Variants in SGCZ observed in about 807,000 individuals in gnomAD.
SGCZ encodes the protein sarcoglycan zeta.
SGCZ carries 40 observed loss-of-function variants against 41.3 expected under a neutral mutation model. That is an observed-to-expected ratio of 0.97 (90% CI 0.75 to 1.26). The LOEUF is 1.26. Among genes scored for constraint, SGCZ ranks in the 50% most tolerant of loss-of-function variants. SGCZ has a pLI of 0.00. For missense variants in SGCZ, 552 were observed against 369.8 expected, an observed-to-expected ratio of 1.49 and a Z score of -4.04; for synonymous variants, 206 against 137.5, an observed-to-expected ratio of 1.50 and a Z score of -3.49.
chr8:14,907,642 G>A (rs183785043), intron 1 of SGCZ, among the ~76,000 whole-genome samples: 22 of 152,190 alleles, frequency 1.4e-4, no homozygotes, highest in African/African-American at 4.8e-4. Flanking sequence ...AGAAGTTCAA[G>A]TCCAATCTGG....
chr8:14,309,098 G>C, intron 3 of SGCZ: 1 of 1,448,332 alleles, frequency 6.9e-7, no homozygotes, highest in Non-Finnish European at 9.6e-7. Flanking sequence ...TCATCAGGAG[G>C]TTGCTAACCC....
chr8:15,106,553 C>G (rs76324354), intron 1 of SGCZ, among the ~76,000 whole-genome samples: 1 of 151,192 alleles, frequency 6.6e-6, no homozygotes, highest in Non-Finnish European at 1.5e-5. Context: ...TACTTTACAT[C>G]CTTTTATTAC....
intron 1 of SGCZ, among the ~76,000 whole-genome samples, chr8:14,646,322 A>G (rs1807214445): frequency 6.6e-6 from 1 of 151,946 alleles, no homozygotes; most frequent in African/African-American, 2.4e-5. Context: ...CTGTTCATGC[A>G]TTAATTCACT....
Position 14,237,694 on chromosome 8 carries a change from T to A in SGCZ, c.337-15A>T, listed in dbSNP as rs1418632701. ...AGCGGACTATCCTGGGAAACATGTA[T>A]AAAATAAATAAATAGAAAATAGAAA... On this transcript the variant is annotated splice_polypyrimidine_tract_variant and intron_variant, in intron 3 of 7. Coordinates refer to ENST00000382080, the MANE Select transcript of SGCZ (RefSeq NM_139167.4). 5 of 1,589,392 alleles carry A rather than the reference T, an allele frequency of 3.1e-6. No homozygotes were observed. In the Admixed American group the frequency reaches 5.3e-5, roughly 17 times the overall value.
chr8:14,528,558 T>C (rs7841004), intron 2 of SGCZ, among the ~76,000 whole-genome samples: 99 of 152,206 alleles, frequency 6.5e-4, no homozygotes, highest in African/African-American at 2.2e-3. Flanking sequence ...TTCTGGGCCT[T>C]AGTTTTCTTT....
Position 14,118,153 on chromosome 8 carries a change from C to T in SGCZ, c.548-9918G>A, listed in dbSNP as rs563987045. On this transcript the variant is annotated intron_variant, in intron 5 of 7. Transcript: ENST00000382080. ...TTCTAGTTCTAGATCCTTGAGGAAT[C>T]GCCACATTGTCTTCCACAATGGTTG... Among the ~76,000 whole-genome samples the T allele has an allele frequency of 4.6e-5, 7 of 152,162 alleles. No homozygotes were observed. The East Asian group carries it at 5.9e-4, about 13-fold the overall frequency.
intron 1 of SGCZ, among the ~76,000 whole-genome samples, chr8:14,616,466 TA>T (rs890055011): frequency 6.6e-6 from 1 of 152,046 alleles, no homozygotes; most frequent in Non-Finnish European, 1.5e-5. Flanking sequence ...GTTTACACAG[TA>T]AAAAAATGTT....
intron 1 of SGCZ, among the ~76,000 whole-genome samples, chr8:15,147,512 A>G (rs549264340): frequency 6.6e-6 from 1 of 152,196 alleles, no homozygotes; most frequent in Non-Finnish European, 1.5e-5. Flanking sequence ...TCCTGACCTC[A>G]GGTGATCCAC....
intron 5 of SGCZ, among the ~76,000 whole-genome samples, chr8:14,129,732 A>C (rs903718584): frequency 4.7e-5 from 7 of 149,666 alleles, no homozygotes; most frequent in African/African-American, 7.5e-5. Flanking sequence ...AATTCCATTG[A>C]CAATAACATA....
intron 3 of SGCZ, among the ~76,000 whole-genome samples, chr8:14,295,550 C>T (rs1800979055): frequency 6.6e-6 from 1 of 152,034 alleles, no homozygotes. Flanking sequence ...GCTCTATTTT[C>T]TAGTTTTCAT....
Position 14,327,770 on chromosome 8 carries a change from A to C in SGCZ, c.235-3566T>G, listed in dbSNP as rs79278531. Among the ~76,000 whole-genome samples, 252 of 152,254 alleles carry C rather than the reference A, an allele frequency of 1.7e-3. 10 individuals are homozygous for C. The East Asian group carries it at 0.042, about 25-fold the overall frequency. ...AGATAAAACAGAATTCCCCTCTGTAAATGTAGGACTGTTTTTGCTTGTTTG... is the reference window on the plus strand; with the variant it reads ...AGATAAAACAGAATTCCCCTCTGTACATGTAGGACTGTTTTTGCTTGTTTG... On this transcript the variant is annotated intron_variant, in intron 2 of 7. Transcript: ENST00000382080.
chr8:14,952,278 T>C (rs1028090536), intron 1 of SGCZ, among the ~76,000 whole-genome samples: 7 of 152,174 alleles, frequency 4.6e-5, no homozygotes, highest in Non-Finnish European at 1.0e-4. Context: ...AGTATTACTC[T>C]GGCTTTGGCT....
intron 1 of SGCZ, among the ~76,000 whole-genome samples, chr8:14,580,049 G>A (rs1322773697): frequency 1.3e-5 from 2 of 152,184 alleles, no homozygotes; most frequent in Non-Finnish European, 2.9e-5. Flanking sequence ...GTTCATTCAT[G>A]CATAGCCCAT....
intron 1 of SGCZ, among the ~76,000 whole-genome samples, chr8:14,707,359 C>T (rs574810137): frequency 3.6e-4 from 55 of 151,920 alleles, no homozygotes; most frequent in African/African-American, 1.2e-3. Context: ...ATTTAACAAA[C>T]GATGTTAGTA....
intron 3 of SGCZ, among the ~76,000 whole-genome samples, chr8:14,241,327 T>C (rs891142167): frequency 1.3e-5 from 2 of 151,328 alleles, no homozygotes; most frequent in Non-Finnish European, 2.9e-5. Context: ...TATTTTCTCA[T>C]GGAATAGTAA....
chr8:14,883,784 T>G (rs1274920124), intron 1 of SGCZ, among the ~76,000 whole-genome samples: 2 of 151,222 alleles, frequency 1.3e-5, no homozygotes, highest in South Asian at 2.1e-4. Context: ...TTGTTTTTTT[T>G]TTTTTTTTTT....
At chr8:14,470,662 T>G (rs115264422) in intron 2 of SGCZ, among the ~76,000 whole-genome samples, 1 of 152,116 alleles carries the variant, frequency 6.6e-6, no homozygotes, top group African/African-American at 2.4e-5. Context: ...TATATGACGG[T>G]TGGAGATAAT....
chr8:14,292,306 A>G (rs909201393), intron 3 of SGCZ, among the ~76,000 whole-genome samples: 1 of 152,062 alleles, frequency 6.6e-6, no homozygotes, highest in African/African-American at 2.4e-5. Flanking sequence ...ACATGAGAGT[A>G]GCTACTCAAT....
At chr8:14,397,426 A>T (rs1798949927) in intron 2 of SGCZ, among the ~76,000 whole-genome samples, 1 of 150,964 alleles carries the variant, frequency 6.6e-6, no homozygotes, top group South Asian at 2.1e-4. Flanking sequence ...TTAATGGCAT[A>T]ATTTCTTTTT....
Sources: allele counts gnomAD v4.1 joint callset (sites outside exome capture counted in the v4.1 genomes callset), GRCh38; gene constraint gnomAD v4.1.1; transcripts MANE v1.5; gene names NCBI Gene and HGNC (gene_info 2026-07-23, HGNC 2026-07-21).